The following ERBB2 variants were observed in gnomAD, a reference collection of about 807,000 sequenced individuals.
ERBB2 encodes receptor tyrosine-protein kinase erbB-2.
In ERBB2, 61 loss-of-function variants were observed where a neutral mutation model predicts 149.0. The observed-to-expected ratio is 0.41, with a 90% confidence interval of 0.33 to 0.51. The LOEUF is 0.51. Ranked by LOEUF, ERBB2 falls within the 20% of genes least tolerant of loss-of-function variation. The pLI, the probability that ERBB2 is intolerant of heterozygous loss-of-function variation, is 0.25. For missense variants in ERBB2, 1,205 were observed against 1,655.1 expected (o/e 0.73, Z 4.72); for synonymous variants, 633 against 678.8 (o/e 0.93, Z 1.05).
chr17:39,715,342 C>T lies in ERBB2; in HGVS notation c.1205C>T (p.Thr402Ile), dbSNP rs2059056656. Reference protein sequence around the residue: ...LQPEQLQVFETLEEITGYLYI... With the variant: ...LQPEQLQVFEILEEITGYLYI... ...CCAGAGCAGCTCCAAGTGTTTGAGA[C>T]TCTGGAAGAGATCACAGGTGGGCTC... is the stretch of plus-strand genomic sequence containing the variant. Residue 402 changes from threonine (T) to isoleucine (I), a missense_variant, in exon 10 of 27, where the codon ACT becomes ATT. Physicochemically the swap from Thr to Ile is moderately conservative, Grantham distance 89. Transcript: ENST00000269571. 1 of 1,614,092 alleles carries T rather than the reference C, an allele frequency of 6.2e-7. No homozygotes were observed. The highest frequency in any genetic ancestry group is 1.7e-5 in the Admixed American group (1 of 60,028).
Position 39,723,591 on chromosome 17 carries a change from G to A in ERBB2, c.2139G>A (p.Arg713=), listed in dbSNP as rs2145813883. 6.2e-7 allele frequency: 1 copy of A among 1,609,004 alleles called. No homozygotes were observed. Residue 713 remains arginine, a synonymous_variant, in exon 18 of 27, where the codon CGG becomes CGA. Transcript: ENST00000269571. The surrounding 1 kb of genome is among the most constrained non-coding windows in gnomAD (Gnocchi z 6.2). ...SGAMPNQAQM[R]ILKETELRKV... ...CGATGCCCAACCAGGCGCAGATGCG[G>A]ATCCTGAAAGAGACGGAGCTGAGGA...
At chr17:39,715,564 TG>T (rs1567905165) in intron 11 of ERBB2, 28 bp downstream of exon 11, 1 of 1,606,288 alleles carries the variant, frequency 6.2e-7, no homozygotes, top group East Asian at 2.2e-5. Flanking sequence ...GGGGGCCTGA[TG>T]GGGAGGAGTC....
intron 1 of ERBB2, chr17:39,703,093 A>G (rs773647536): frequency 6.6e-6 from 1 of 152,400 alleles, no homozygotes; most frequent in Non-Finnish European, 1.5e-5. Context: ...TCTTGACTTC[A>G]GAGTCCTCTC....
At chr17:39,715,607 C>A in intron 11 of ERBB2, 71 bp downstream of exon 11, 1 of 1,555,414 alleles carries the variant, frequency 6.4e-7, no homozygotes, top group Non-Finnish European at 8.9e-7. Flanking sequence ...AAGCTTTGGG[C>A]CTGAGGGAGT....
At position 39,724,778 on chromosome 17, in the gene ERBB2, G is replaced by T. The variant is rs2145849122; in HGVS notation, c.2360G>T (p.Gly787Val). The T allele has an allele frequency of 6.2e-7, 1 of 1,614,182 alleles. No homozygotes were observed. Among genetic ancestry groups the T allele is most frequent in the South Asian group, 1.1e-5 (1 of 91,084 alleles). The change falls in exon 20 of 27, where the codon GGC (glycine) becomes GTC (valine). Residue 787 changes from glycine to valine, a missense_variant. Physicochemically the swap from Gly to Val is moderately radical, Grantham distance 109. Coordinates refer to ENST00000269571, the MANE Select transcript of ERBB2 (RefSeq NM_004448.4). Reference sequence around the variant, plus strand: ...TCCCCATATGTCTCCCGCCTTCTGGGCATCTGCCTGACATCCACGGTGCAG... The same window carrying T: ...TCCCCATATGTCTCCCGCCTTCTGGTCATCTGCCTGACATCCACGGTGCAG... The part of the protein sequence containing the change: ...VGSPYVSRLL[G>V]ICLTSTVQLV...
chr17:39,690,574 T>C (rs1427094722), upstream of ERBB2, among the ~76,000 whole-genome samples: 1 of 152,188 alleles, frequency 6.6e-6, no homozygotes, highest in African/African-American at 2.4e-5. Context: ...GATGGGGTAC[T>C]GTCTCTCTGG....
chr17:39,727,720 G>C lies in ERBB2; in HGVS notation c.3444G>C (p.Gln1148His). 6.4e-7 allele frequency: 1 copy of C among 1,568,118 alleles called. No individual in the cohort carries two copies. The highest frequency in any genetic ancestry group is 8.6e-7 in the Non-Finnish European group (1 of 1,156,640). ...TGAACCAGCCAGATGTTCGGCCCCA[G>C]CCCCCTTCGCCCCGAGAGGGCCCTC... ...EYVNQPDVRPQPPSPREGPLP... is the reference protein window; with the variant it reads ...EYVNQPDVRPHPPSPREGPLP... Residue 1148 changes from glutamine (Q) to histidine (H), a missense_variant, in exon 27 of 27, where the codon CAG (glutamine) becomes CAC (histidine). Transcript: ENST00000269571. The surrounding 1 kb of genome is among the most constrained non-coding windows in gnomAD (Gnocchi z 4.3).
chr17:39,694,530 G>C (rs923046249), upstream of ERBB2, among the ~76,000 whole-genome samples: 3 of 151,438 alleles, frequency 2.0e-5, no homozygotes, highest in Admixed American at 1.3e-4. Context: ...GTATCAAAAA[G>C]AGGAGTTGAT....
intron 7 of ERBB2, among the ~76,000 whole-genome samples, chr17:39,710,810 G>A (rs576187499): frequency 6.3e-4 from 96 of 152,322 alleles, no homozygotes; most frequent in African/African-American, 2.3e-3. Flanking sequence ...TATAACATTT[G>A]AAAGAGTTAA....
chr17:39,716,173 C>T lies in ERBB2; in HGVS notation c.1514-128C>T, dbSNP rs2059112640. The T allele has an allele frequency of 2.8e-6, 3 of 1,089,632 alleles. No homozygotes were observed. In the East Asian group the frequency reaches 7.8e-5, roughly 28 times the overall value. The allele number at this position is 1,089,632 out of a possible 1,614,324, so 67.5% of individuals were successfully genotyped here. On this transcript the variant is annotated intron_variant, in intron 12 of 26. Coordinates refer to ENST00000269571, the MANE Select transcript of ERBB2 (RefSeq NM_004448.4). ...TTTCTGAAATCTCAGAACTCTTCCT[C>T]TCCCTACATCGGCCCCACCTGTCCC...
chr17:39,725,023 GTCTAC>G lies in ERBB2; in HGVS notation c.2494-25_2494-21del. On this transcript the variant is annotated intron_variant, in intron 20 of 26. Transcript: ENST00000269571. The surrounding 1 kb of genome is among the most constrained non-coding windows in gnomAD (Gnocchi z 4.6). ...GGCCAGGCCCAGGCCCTCCCAGAAG[GTCTAC>G]ATGGGTGCTTCCCATTCCAGGGGAT... 6.2e-7 allele frequency: 1 copy of G among 1,613,810 alleles called. No individual in the cohort carries two copies. Among genetic ancestry groups the G allele is most frequent in the Non-Finnish European group, 8.5e-7 (1 of 1,179,816 alleles).
At position 39,717,485 on chromosome 17, in the gene ERBB2, G is replaced by A. The variant is rs2145713382; in HGVS notation, c.1898+5G>A. The A allele has an allele frequency of 6.2e-7, 1 of 1,605,086 alleles. No homozygotes were observed. Among genetic ancestry groups the A allele is most frequent in the South Asian group, 1.1e-5 (1 of 90,494 alleles). ...CCCCATCAACTGCACCCACTCGTGAGTCCAACGGTCTTTTCTGCAGAAAGG... is the reference window on the plus strand; with the variant it reads ...CCCCATCAACTGCACCCACTCGTGAATCCAACGGTCTTTTCTGCAGAAAGG... On this transcript the variant is annotated splice_donor_5th_base_variant and intron_variant, in intron 15 of 26. Coordinates refer to ENST00000269571, the MANE Select transcript of ERBB2 (RefSeq NM_004448.4).
At chr17:39,691,698 T>C (rs1416208115), upstream of ERBB2, among the ~76,000 whole-genome samples, 1 of 149,116 alleles carries the variant, frequency 6.7e-6, no homozygotes, top group Non-Finnish European at 1.5e-5. Context: ...TTATTTGTGG[T>C]AGCATTAGTC....
upstream of ERBB2, among the ~76,000 whole-genome samples, chr17:39,691,272 G>A (rs921008129): frequency 2.6e-5 from 4 of 150,962 alleles, no homozygotes; most frequent in African/African-American, 9.8e-5. Context: ...AGCCAGGTGC[G>A]GTGGCTCACA....
At chr17:39,716,940 G>T in intron 14 of ERBB2, 1 of 469,478 alleles carries the variant, frequency 2.1e-6, no homozygotes, top group Non-Finnish European at 3.9e-6. Flanking sequence ...TCCTAAAATG[G>T]GTATTGTAAT....
chr17:39,691,260 G>A (rs1205539030), upstream of ERBB2, among the ~76,000 whole-genome samples: 1 of 151,706 alleles, frequency 6.6e-6, no homozygotes, highest in East Asian at 1.9e-4. Flanking sequence ...ACAAAAGACT[G>A]AAGCCAGGTG....
At position 39,712,363 on chromosome 17, in the gene ERBB2, G is replaced by A. The variant is rs2145576671; in HGVS notation, c.1063G>A (p.Ala355Thr). Reference sequence around the variant, plus strand: ...CATGGAGCACTTGCGAGAGGTGAGGGCAGTTACCAGTGCCAATATCCAGGA... The same window carrying A: ...CATGGAGCACTTGCGAGAGGTGAGGACAGTTACCAGTGCCAATATCCAGGA... ...LGMEHLREVR[A>T]VTSANIQEFA... Residue 355 changes from alanine to threonine, a missense_variant, in exon 9 of 27, where the codon GCA (alanine) becomes ACA (threonine). By Grantham distance (58) the Ala-to-Thr change is moderately conservative (BLOSUM62 0). Around this residue, in one of 6 missense-constraint regions of ERBB2, gnomAD observed 569 missense variants for 803.5 expected, o/e 0.71. Coordinates refer to ENST00000269571, the MANE Select transcript of ERBB2 (RefSeq NM_004448.4). The A allele has an allele frequency of 6.2e-7, 1 of 1,614,060 alleles. No homozygotes were observed. The highest frequency in any genetic ancestry group is 1.1e-5 in the South Asian group (1 of 91,040).
intron 15 of ERBB2, chr17:39,717,790 AACACACAC>A (rs67643218): frequency 1.2e-4 from 21 of 172,014 alleles, no homozygotes; most frequent in Admixed American, 3.8e-4. Context: ...TGCACATTTT[AACACACAC>A]ACACACACAC....
intron 1 of ERBB2, 174 bp from the exon 2 acceptor site, chr17:39,706,816 A>G (rs2058470119): frequency 4.2e-6 from 2 of 480,354 alleles, no homozygotes; most frequent in Non-Finnish European, 6.8e-6. Context: ...CCAAGCACGC[A>G]AGCTTTCTCC....
Sources: allele counts gnomAD v4.1 joint callset (sites outside exome capture counted in the v4.1 genomes callset), GRCh38; gene constraint gnomAD v4.1.1; regional missense constraint gnomAD v4.1.1; non-coding constraint Gnocchi (gnomAD v3.1); transcripts MANE v1.5; gene names NCBI Gene and HGNC (gene_info 2026-07-23, HGNC 2026-07-21).